Variants in ZNF138 observed in about 807,000 individuals in gnomAD.
ZNF138 encodes the protein zinc finger protein 138.
A neutral mutation model predicts 33.0 loss-of-function variants in ZNF138; 33 were observed. That is an observed-to-expected ratio of 1.00 (90% CI 0.76 to 1.34). ZNF138 has a LOEUF of 1.34. ZNF138 is among the 40% of genes most tolerant of loss of function. The pLI, the probability that ZNF138 is intolerant of heterozygous loss-of-function variation, is 0.00. For synonymous variants in ZNF138, 139 were observed against 120.4 expected (o/e 1.15, Z -1.01); for missense variants, 360 against 370.8 (o/e 0.97, Z 0.24).
rs548064382 is a variant in ZNF138, at chr7:64,822,714, A to G, written c.208+7061A>G. Among the ~76,000 whole-genome samples, 370 of 152,302 alleles carry G rather than the reference A, an allele frequency of 2.4e-3. 4 individuals carry two copies. Among genetic ancestry groups the G allele is most frequent in the Non-Finnish European group, 3.7e-3 (255 of 68,018 alleles). ...TTATTATGTTTTGAAATCAGAAAGT[A>G]TAATGCATCTTCTTTTTAATGGATG... On this transcript the variant is annotated intron_variant, in intron 3 of 3. Coordinates refer to ENST00000307355, the MANE Select transcript of ZNF138 (RefSeq NM_001271639.2).
At chr7:64,852,798 G>T in the ZNF138 span, 4 of 843,928 alleles carry the variant, frequency 4.7e-6, no homozygotes, top group East Asian at 2.4e-5. Flanking sequence ...GCATTGTCTG[G>T]CATGATAAAT....
chr7:64,842,547 C>G, the ZNF138 span, among the ~76,000 whole-genome samples: 1 of 152,132 alleles, frequency 6.6e-6, no homozygotes, highest in African/African-American at 2.4e-5. Context: ...TCTTAGTCAC[C>G]TGTCGTCAAC....
downstream of ZNF138, among the ~76,000 whole-genome samples, chr7:64,837,526 T>C (rs996914697): frequency 1.4e-4 from 22 of 152,110 alleles, no homozygotes; most frequent in African/African-American, 5.3e-4. Context: ...TCAAAGGGGC[T>C]AAGGCCTGTG....
At chr7:64,811,278 T>C (rs1003527083) in intron 1 of ZNF138, among the ~76,000 whole-genome samples, 1 of 152,254 alleles carries the variant, frequency 6.6e-6, no homozygotes, top group Non-Finnish European at 1.5e-5. Context: ...AAGTGCTCTG[T>C]AACAGTCCCT....
the ZNF138 span, among the ~76,000 whole-genome samples, chr7:64,853,750 C>CA: frequency 6.6e-6 from 1 of 151,456 alleles, no homozygotes; most frequent in African/African-American, 2.4e-5. Context: ...TGAGCATTAA[C>CA]CATAATACTT....
chr7:64,853,355 G>A, the ZNF138 span: 3 of 1,515,986 alleles, frequency 2.0e-6, no homozygotes, highest in Non-Finnish European at 2.7e-6. Context: ...ATGTAGATAT[G>A]GTTGTTGGGC....
At position 64,832,520 on chromosome 7, in the gene ZNF138, A is replaced by G. The variant is rs777797931; in HGVS notation, c.*318A>G. 5 of 825,952 alleles carry G rather than the reference A, an allele frequency of 6.1e-6. No homozygotes were observed. Among genetic ancestry groups the G allele is most frequent in the Non-Finnish European group, 5.3e-6 (3 of 564,174 alleles). The allele number at this position is 825,952 out of a possible 1,614,324, so 51.2% of individuals were successfully genotyped here. The stretch of plus-strand genomic sequence containing the variant: ...CCCACAAATGTGGAGAATGCGGAAA[A>G]GCCTTTAACTGGTCCTCAACTCTTA... On this transcript the variant is annotated 3_prime_UTR_variant, in exon 4 of 4. Coordinates refer to ENST00000307355, the MANE Select transcript of ZNF138 (RefSeq NM_001271639.2).
intron 1 of ZNF138, among the ~76,000 whole-genome samples, chr7:64,806,338 CAT>C (rs1491376896): frequency 6.6e-6 from 1 of 152,138 alleles, no homozygotes; most frequent in Non-Finnish European, 1.5e-5. Context: ...AGCAATCAAC[CAT>C]TTTACCTCTT....
intron 1 of ZNF138, among the ~76,000 whole-genome samples, chr7:64,800,243 G>A (rs1407859784): frequency 6.6e-6 from 1 of 152,122 alleles, no homozygotes; most frequent in Non-Finnish European, 1.5e-5. Context: ...GAATAGGAGT[G>A]GTGAGAGAAG....
intron 3 of ZNF138, among the ~76,000 whole-genome samples, chr7:64,819,603 A>G (rs999196238): frequency 2.6e-5 from 4 of 152,140 alleles, no homozygotes; most frequent in Admixed American, 6.6e-5. Context: ...TCCTCAGCTC[A>G]GGCAATCTGC....
chr7:64,842,091 T>A, the ZNF138 span, among the ~76,000 whole-genome samples: 2 of 152,240 alleles, frequency 1.3e-5, no homozygotes, highest in African/African-American at 4.8e-5. Flanking sequence ...TGAAATGGAA[T>A]CTTGCTCTGT....
At chr7:64,819,650 G>A (rs972790985) in intron 3 of ZNF138, among the ~76,000 whole-genome samples, 1 of 152,072 alleles carries the variant, frequency 6.6e-6, no homozygotes, top group African/African-American at 2.4e-5. Context: ...ATTACAAGCG[G>A]CAGCCACCAC....
At chr7:64,855,381 C>G in the ZNF138 span, among the ~76,000 whole-genome samples, 1 of 152,022 alleles carries the variant, frequency 6.6e-6, no homozygotes, top group Non-Finnish European at 1.5e-5. Flanking sequence ...GCTTAAATGT[C>G]AACAAAATTT....
downstream of ZNF138, among the ~76,000 whole-genome samples, chr7:64,837,100 C>A (rs879601191): frequency 1.3e-5 from 2 of 152,062 alleles, no homozygotes; most frequent in African/African-American, 2.4e-5. Context: ...ATTGTTGGAG[C>A]CTGTCACATG....
At chr7:64,854,985 TAATTATATTG>T in the ZNF138 span, among the ~76,000 whole-genome samples, 1 of 152,014 alleles carries the variant, frequency 6.6e-6, no homozygotes, top group African/African-American at 2.4e-5. Context: ...GCCAAGCAAA[TAATTATATTG>T]AATTAATAGG....
chr7:64,838,076 T>C (rs1285951981), downstream of ZNF138, among the ~76,000 whole-genome samples: 1 of 152,004 alleles, frequency 6.6e-6, no homozygotes, highest in Admixed American at 6.5e-5. Flanking sequence ...CCCTTGTGTC[T>C]AGTAAAAAGG....
chr7:64,859,828 G>T, the ZNF138 span, among the ~76,000 whole-genome samples: 1 of 152,104 alleles, frequency 6.6e-6, no homozygotes, highest in Non-Finnish European at 1.5e-5. Context: ...AAAAAACTCT[G>T]TATTTTCTGT....
chr7:64,797,021 C>A (rs111538389), intron 1 of ZNF138, among the ~76,000 whole-genome samples: 9,237 of 151,514 alleles, frequency 0.061, 318 homozygotes, highest in East Asian at 0.14. Context: ...CTGCACTCCA[C>A]CTTGGGCGAC....
At chr7:64,852,746 G>T in the ZNF138 span, 2 of 942,724 alleles carry the variant, frequency 2.1e-6, no homozygotes, top group Non-Finnish European at 3.5e-6. Context: ...TGCCCCCTGT[G>T]TCCCCAGGGG....
Sources: allele counts gnomAD v4.1 joint callset (sites outside exome capture counted in the v4.1 genomes callset), GRCh38; gene constraint gnomAD v4.1.1; transcripts MANE v1.5; gene names NCBI Gene and HGNC (gene_info 2026-07-23, HGNC 2026-07-21).